KDM3A: variants seen among roughly 807,000 people sequenced by gnomAD.
KDM3A encodes lysine demethylase 3A, also known as lysine-specific demethylase 3A.
A neutral mutation model predicts 158.0 loss-of-function variants in KDM3A; 60 were observed. That is an observed-to-expected ratio of 0.38 (90% confidence interval 0.31 to 0.47). The LOEUF (loss-of-function observed/expected upper bound fraction) is 0.47, where lower values mean the gene tolerates loss of function less well. Ranked by LOEUF, KDM3A falls within the 20% of genes least tolerant of loss-of-function variation. KDM3A has a pLI of 0.99. For synonymous variants in KDM3A, 608 were observed against 549.3 expected, an observed-to-expected ratio of 1.11 and a Z score of -1.49; for missense variants, 1,319 against 1,574.3, an observed-to-expected ratio of 0.84 and a Z score of 2.74.
At chr2:86,471,715 A>T (rs1271879291) in intron 11 of KDM3A, among the ~76,000 whole-genome samples, 16 of 152,248 alleles carry the variant, frequency 1.1e-4, no homozygotes, top group Non-Finnish European at 2.1e-4. Context: ...TATTTAACGA[A>T]GTAAGAGTTT....
chr2:86,471,169 C>T (rs1455957710), intron 11 of KDM3A, among the ~76,000 whole-genome samples: 1 of 151,566 alleles, frequency 6.6e-6, no homozygotes, highest in Non-Finnish European at 1.5e-5. Flanking sequence ...GAGAGGCATA[C>T]CTTTTTAAAA....
chr2:86,442,091 G>A lies in KDM3A; in HGVS notation c.44G>A (p.Arg15Lys), dbSNP rs768867283. The A allele has an allele frequency of 6.2e-6, 10 of 1,614,078 alleles. No homozygotes were observed. The South Asian group carries it at 6.6e-5, about 11-fold the overall frequency. The change falls in exon 2 of 26, where the codon AGG becomes AAG. Residue 15 changes from arginine (R) to lysine (K), a missense_variant. This residue lies in a region of KDM3A where 652 missense variants were observed against 627.2 expected (regional missense o/e 1.04). Transcript: ENST00000312912. ...GAAAGTTGGCCGGTATTGGTGGGGAGGAGGTTTCTCAGTCTGTCCGCAGCC... is the reference window on the plus strand; with the variant it reads ...GAAAGTTGGCCGGTATTGGTGGGGAAGAGGTTTCTCAGTCTGTCCGCAGCC... ...LGESWPVLVG[R>K]RFLSLSAADG...
chr2:86,483,150 A>AG (rs1440713885), intron 18 of KDM3A: 2 of 157,762 alleles, frequency 1.3e-5, no homozygotes, highest in African/African-American at 4.8e-5. Context: ...CCTGCTTCAA[A>AG]GGGCAGTGTT....
chr2:86,444,124 C>T (rs929552016), intron 2 of KDM3A, among the ~76,000 whole-genome samples: 3 of 152,148 alleles, frequency 2.0e-5, no homozygotes, highest in Non-Finnish European at 4.4e-5. Flanking sequence ...AAATCTCCTC[C>T]CTCCGCCCCC....
Position 86,480,336 on chromosome 2 carries a change from G to A in KDM3A, c.2486G>A (p.Ser829Asn). 1 of 1,613,074 alleles carries A rather than the reference G, an allele frequency of 6.2e-7. No individual in the cohort carries two copies. Among genetic ancestry groups the A allele is most frequent in the Non-Finnish European group, 8.5e-7 (1 of 1,179,292 alleles). ...SPLNWLADLTSGNVNKENKEK... is the reference protein window; with the variant it reads ...SPLNWLADLTNGNVNKENKEK... Reference sequence around the variant, plus strand: ...CTAAACTGGCTGGCCGACCTAACCAGCGGGAATGTCAACAAGGAAAACAAG... The same window carrying A: ...CTAAACTGGCTGGCCGACCTAACCAACGGGAATGTCAACAAGGAAAACAAG... Residue 829 changes from serine (S) to asparagine (N), a missense_variant, in exon 16 of 26, where the codon AGC (serine) becomes AAC (asparagine). By Grantham distance (46) the Ser-to-Asn change is conservative. Coordinates refer to ENST00000312912, the MANE Select transcript of KDM3A (RefSeq NM_018433.6).
At chr2:86,464,374 AC>A (rs1308472933) in intron 9 of KDM3A, among the ~76,000 whole-genome samples, 158 bp downstream of exon 9, 38 of 152,234 alleles carry the variant, frequency 2.5e-4, no homozygotes, top group African/African-American at 8.2e-4. Context: ...TATAGAAGGC[AC>A]ACAGAGCAAC....
intron 11 of KDM3A, among the ~76,000 whole-genome samples, chr2:86,472,103 G>A (rs1010818088): frequency 1.3e-5 from 2 of 151,704 alleles, no homozygotes; most frequent in African/African-American, 4.8e-5. Context: ...AGTTGCAAAG[G>A]CATTTTAGGG....
intron 2 of KDM3A, 27 bp from the exon 3 acceptor site, chr2:86,449,780 C>A: frequency 1.3e-6 from 2 of 1,571,186 alleles, no homozygotes; most frequent in Non-Finnish European, 1.7e-6. Context: ...AATCTGCTTC[C>A]CCCACCCCCC....
chr2:86,442,265 C>T (rs1168013351), intron 2 of KDM3A, 32 bp downstream of exon 2: 1 of 1,575,432 alleles, frequency 6.3e-7, no homozygotes, highest in African/African-American at 1.4e-5. Context: ...TGCCACCGGA[C>T]GTTTCGCAGT....
At chr2:86,458,262 A>G (rs931507745) in intron 8 of KDM3A, among the ~76,000 whole-genome samples, 5 of 152,210 alleles carry the variant, frequency 3.3e-5, no homozygotes, top group Admixed American at 6.5e-5. Context: ...GCTTTCTTGA[A>G]TCTTTCCTGT....
upstream of KDM3A, among the ~76,000 whole-genome samples, chr2:86,439,549 A>G (rs1682570575): frequency 6.6e-6 from 1 of 152,096 alleles, no homozygotes. Context: ...ATGTTCCTTC[A>G]GGTTCAATAG....
Position 86,442,014 on chromosome 2 carries a change from G to C in KDM3A, c.-30-4G>C. On this transcript the variant is annotated splice_polypyrimidine_tract_variant and splice_region_variant and intron_variant, in intron 1 of 25. Transcript: ENST00000312912. The stretch of plus-strand genomic sequence containing the variant: ...CGTCGCATTTTGTTTTTGTGTTTTT[G>C]CAGGGAGGAGCTCTTCCTGCAGGCG... The C allele has an allele frequency of 6.9e-7, 1 of 1,453,540 alleles. No homozygotes were observed. The highest frequency in any genetic ancestry group is 9.3e-7 in the Non-Finnish European group (1 of 1,079,622). The allele number at this position is 1,453,540 out of a possible 1,614,324, so 90.0% of individuals were successfully genotyped here.
chr2:86,439,680 T>C (rs1682578145), upstream of KDM3A, among the ~76,000 whole-genome samples: 1 of 152,170 alleles, frequency 6.6e-6, no homozygotes. Context: ...TCTTCTACTC[T>C]GAAAACAAAT....
Position 86,449,978 on chromosome 2 carries a change from G to A in KDM3A, c.342+16G>A. On this transcript the variant is annotated intron_variant, in intron 3 of 25. Transcript: ENST00000312912. The stretch of plus-strand genomic sequence containing the variant: ...GCCTGCAATAGTGAGTAAAACTTGG[G>A]CTTATTGAACTCCTGAGAAGAGGGC... 1 of 1,602,336 alleles carries A rather than the reference G, an allele frequency of 6.2e-7. No individual in the cohort carries two copies. Among genetic ancestry groups the A allele is most frequent in the Non-Finnish European group, 8.5e-7 (1 of 1,175,042 alleles).
intron 17 of KDM3A, 148 bp from the exon 18 acceptor site, chr2:86,482,310 G>A: frequency 7.5e-7 from 1 of 1,329,578 alleles, no homozygotes; most frequent in Non-Finnish European, 1.0e-6. Context: ...TCTATGAGTT[G>A]TCAAGTGGGG....
chr2:86,482,365 T>A, intron 17 of KDM3A, 93 bp from the exon 18 acceptor site: 3 of 1,542,860 alleles, frequency 1.9e-6, no homozygotes, highest in Non-Finnish European at 2.6e-6. Flanking sequence ...CTTGGAATCT[T>A]CTGGATATGT....
At position 86,470,374 on chromosome 2, in the gene KDM3A, T is replaced by C. The variant is rs921363308; in HGVS notation, c.1690T>C (p.Ser564Pro). Reference sequence around the variant, plus strand: ...CAAGGATAAGGAGCAACAGAAGGACTCACCTGTGTTTTGCCGCTTCTTTCA... The same window carrying C: ...CAAGGATAAGGAGCAACAGAAGGACCCACCTGTGTTTTGCCGCTTCTTTCA... ...LRKDKEQQKD[S>P]PVFCRFFHFR... is the part of the protein sequence containing the mutation. The change falls in exon 11 of 26, where the codon TCA (serine) becomes CCA (proline). Residue 564 changes from serine to proline, a missense_variant. Ser to Pro is a moderately conservative substitution (Grantham distance 74, BLOSUM62 -1). Transcript: ENST00000312912. 3.7e-6 allele frequency: 6 copies of C among 1,613,986 alleles called. No individual in the cohort carries two copies. Among genetic ancestry groups the C allele is most frequent in the Admixed American group, 3.3e-5 (2 of 60,002 alleles).
chr2:86,462,821 A>T (rs1403016766), intron 8 of KDM3A, among the ~76,000 whole-genome samples: 1 of 152,204 alleles, frequency 6.6e-6, no homozygotes, highest in Non-Finnish European at 1.5e-5. Context: ...GGCCAGGCAC[A>T]GTGGCTCATG....
chr2:86,476,279 T>G (rs1351197037), intron 12 of KDM3A, among the ~76,000 whole-genome samples: 1 of 152,240 alleles, frequency 6.6e-6, no homozygotes, highest in African/African-American at 2.4e-5. Context: ...GTGGCTTTGC[T>G]CCTGAATCAG....
Sources: gnomAD v4.1 joint callset for allele counts (sites outside exome capture counted in the v4.1 genomes callset) on GRCh38, gnomAD v4.1.1 for gene constraint, gnomAD v4.1.1 regional missense constraint, MANE v1.5 for transcripts, NCBI Gene and HGNC (gene_info 2026-07-23, HGNC 2026-07-21) for gene names.